Variants in CLCN3 observed in about 807,000 individuals in gnomAD.
The protein encoded by CLCN3 is Cl-/H+ antiporter 3.
In CLCN3, 16 loss-of-function variants were observed where a neutral mutation model predicts 83.4. That is an observed-to-expected ratio of 0.19 (90% confidence interval 0.13 to 0.29). The LOEUF is 0.29. Ranked by LOEUF, CLCN3 falls within the 10% of genes least tolerant of loss-of-function variation. The probability of loss-of-function intolerance (pLI) is 1.00; values close to 1 mark genes in which losing one functional copy is unlikely to be tolerated. For synonymous variants in CLCN3, 322 were observed against 346.2 expected, an observed-to-expected ratio of 0.93 and a Z score of 0.78; for missense variants, 544 against 1,006.0, an observed-to-expected ratio of 0.54 and a Z score of 6.21.
At chr4:169,717,919 A>C in intron 12 of CLCN3, 1 of 1,266,812 alleles carries the variant, frequency 7.9e-7, no homozygotes, top group Non-Finnish European at 1.2e-6. Flanking sequence ...GTCAGGAAGC[A>C]TGAAACTTGT....
chr4:169,674,025 C>T (rs1731581182), intron 2 of CLCN3, among the ~76,000 whole-genome samples: 1 of 152,182 alleles, frequency 6.6e-6, no homozygotes, highest in Non-Finnish European at 1.5e-5. Flanking sequence ...AGAACATTTA[C>T]ATTGATACCA....
At chr4:169,634,701 G>T (rs538327531) in intron 1 of CLCN3, among the ~76,000 whole-genome samples, 3 of 152,038 alleles carry the variant, frequency 2.0e-5, no homozygotes, top group African/African-American at 7.2e-5. Flanking sequence ...TTGGAGAGAG[G>T]ATTTTTTTTT....
chr4:169,718,752 C>T (rs2150281030), intron 12 of CLCN3, among the ~76,000 whole-genome samples: 1 of 152,280 alleles, frequency 6.6e-6, no homozygotes, highest in East Asian at 1.9e-4. Context: ...ATTATGTATT[C>T]CTGTGTGTAT....
At chr4:169,703,027 A>G (rs1732858729) in intron 9 of CLCN3, among the ~76,000 whole-genome samples, 1 of 152,240 alleles carries the variant, frequency 6.6e-6, no homozygotes, top group Non-Finnish European at 1.5e-5. Context: ...GTCAGACCAC[A>G]TACAACACTT....
chr4:169,622,612 A>T (rs1256591296), intron 1 of CLCN3, among the ~76,000 whole-genome samples: 1 of 152,120 alleles, frequency 6.6e-6, no homozygotes, highest in Admixed American at 6.6e-5. Flanking sequence ...TTTCCAAGTA[A>T]TTTTTGTGAA....
intron 11 of CLCN3, among the ~76,000 whole-genome samples, chr4:169,707,602 C>G (rs1240119672): frequency 6.6e-6 from 1 of 152,162 alleles, no homozygotes; most frequent in Non-Finnish European, 1.5e-5. Flanking sequence ...TGCATTCAGT[C>G]AAATACATTC....
intron 9 of CLCN3, among the ~76,000 whole-genome samples, chr4:169,697,951 G>A (rs561568556): frequency 1.3e-5 from 2 of 152,284 alleles, no homozygotes; most frequent in African/African-American, 4.8e-5. Context: ...GCAGCTTAAG[G>A]TAACTACTTA....
chr4:169,679,583 C>G (rs1199442035), intron 2 of CLCN3, among the ~76,000 whole-genome samples: 2 of 152,186 alleles, frequency 1.3e-5, no homozygotes, highest in African/African-American at 4.8e-5. Context: ...CACGCCACTG[C>G]ACTCCAGCCT....
intron 2 of CLCN3, among the ~76,000 whole-genome samples, chr4:169,668,480 T>C (rs1368652306): frequency 2.0e-5 from 3 of 152,170 alleles, no homozygotes; most frequent in African/African-American, 7.2e-5. Context: ...ACCAAGGTAC[T>C]CAAAGAGGTT....
chr4:169,622,438 G>T (rs1428643413), intron 1 of CLCN3, among the ~76,000 whole-genome samples: 2 of 152,014 alleles, frequency 1.3e-5, no homozygotes, highest in South Asian at 2.1e-4. Flanking sequence ...CTCTGTGGTG[G>T]GTCTTATATC....
At chr4:169,637,945 T>C (rs1730276602) in intron 2 of CLCN3, among the ~76,000 whole-genome samples, 1 of 152,200 alleles carries the variant, frequency 6.6e-6, no homozygotes. Flanking sequence ...CTGTGTTACA[T>C]TGAAATAATT....
chr4:169,628,426 T>C (rs1464835242), intron 1 of CLCN3, among the ~76,000 whole-genome samples: 1 of 152,114 alleles, frequency 6.6e-6, no homozygotes, highest in Non-Finnish European at 1.5e-5. Context: ...ATAACTAGTA[T>C]CTGTAATATA....
chr4:169,624,000 A>G (rs776797497), intron 1 of CLCN3, among the ~76,000 whole-genome samples: 1 of 152,230 alleles, frequency 6.6e-6, no homozygotes, highest in Non-Finnish European at 1.5e-5. Flanking sequence ...ATCCTATAAA[A>G]TCAGTTTAAA....
chr4:169,701,709 A>G (rs1294648776), intron 9 of CLCN3, among the ~76,000 whole-genome samples: 4 of 152,208 alleles, frequency 2.6e-5, no homozygotes, highest in African/African-American at 9.7e-5. Context: ...GTTTATTATT[A>G]AAAAGCTTTA....
At chr4:169,633,312 A>T (rs1003940207) in intron 1 of CLCN3, among the ~76,000 whole-genome samples, 5 of 152,188 alleles carry the variant, frequency 3.3e-5, no homozygotes, top group African/African-American at 4.8e-5. Flanking sequence ...CACCCAGCTT[A>T]TCTCTAATTT....
intron 5 of CLCN3, 114 bp downstream of exon 5, chr4:169,689,344 T>G (rs1177363774): frequency 2.4e-6 from 2 of 848,016 alleles, no homozygotes; most frequent in Non-Finnish European, 1.8e-6. Flanking sequence ...ATCAAATGGA[T>G]CCACCCTCAA....
At chr4:169,638,254 G>A (rs1730290240) in intron 2 of CLCN3, among the ~76,000 whole-genome samples, 1 of 152,058 alleles carries the variant, frequency 6.6e-6, no homozygotes, top group South Asian at 2.1e-4. Context: ...CCACTTCATG[G>A]AAAATGCAGG....
At chr4:169,652,500 A>G (rs930378504) in intron 2 of CLCN3, among the ~76,000 whole-genome samples, 1 of 152,216 alleles carries the variant, frequency 6.6e-6, no homozygotes, top group African/African-American at 2.4e-5. Context: ...ATCATTTTTT[A>G]AAAAATGAAT....
At chr4:169,675,528 C>T (rs55889555) in intron 2 of CLCN3, among the ~76,000 whole-genome samples, 14,014 of 152,144 alleles carry the variant, frequency 0.092, 677 homozygotes, top group African/African-American at 0.12. Flanking sequence ...AACATTAGTA[C>T]AGAGTGCCAC....
Sources: gnomAD v4.1 joint callset for allele counts (sites outside exome capture counted in the v4.1 genomes callset) on GRCh38, gnomAD v4.1.1 for gene constraint, MANE v1.5 for transcripts, NCBI Gene and HGNC (gene_info 2026-07-23, HGNC 2026-07-21) for gene names.